PCM1: variants seen among roughly 807,000 people sequenced by gnomAD.
PCM1 encodes the protein pericentriolar material 1.
PCM1 carries 157 observed loss-of-function variants against 241.9 expected under a neutral mutation model. The ratio of observed to expected loss-of-function variants is 0.65; its 90% CI spans 0.57 to 0.74. The LOEUF is 0.74. Ranked by LOEUF, PCM1 falls within the 30% of genes least tolerant of loss-of-function variation. PCM1 has a pLI of 0.00. For missense variants in PCM1, 3,478 were observed against 2,360.1 expected (o/e 1.47, Z -9.81); for synonymous variants, 1,085 against 784.9 (o/e 1.38, Z -6.39).
intron 2 of PCM1, chr8:17,934,618 T>G (rs910284173): frequency 6.6e-6 from 1 of 151,788 alleles, no homozygotes; most frequent in Admixed American, 6.6e-5. Context: ...ACTGTCTCTT[T>G]TGAATGTCAG....
chr8:17,944,699 T>C (rs2063226073), intron 6 of PCM1, among the ~76,000 whole-genome samples: 1 of 152,162 alleles, frequency 6.6e-6, no homozygotes, highest in African/African-American at 2.4e-5. Context: ...CCTACCTAGA[T>C]ATTTTTATTT....
chr8:17,964,261 C>G (rs1206730165), intron 17 of PCM1, among the ~76,000 whole-genome samples: 1 of 152,132 alleles, frequency 6.6e-6, no homozygotes, highest in Non-Finnish European at 1.5e-5. Context: ...TTCTGCTGAA[C>G]TGCACTGATC....
Position 17,964,769 on chromosome 8 carries a change from G to A in PCM1, c.2855+1G>A. 6.2e-7 allele frequency: 1 copy of A among 1,600,168 alleles called. No homozygotes were observed. On this transcript the variant is annotated splice_donor_variant, in intron 18 of 38. Coordinates refer to ENST00000325083, the MANE Select transcript of PCM1 (RefSeq NM_006197.4). LOFTEE classifies it high-confidence loss of function. The stretch of plus-strand genomic sequence containing the variant: ...ACAATGGAAAGGAAACTAAAAATAG[G>A]TTAGTTTCAGTATTTTAATTTTGTG...
At chr8:17,992,408 C>G (rs1416332934) in intron 28 of PCM1, among the ~76,000 whole-genome samples, 2 of 152,146 alleles carry the variant, frequency 1.3e-5, no homozygotes, top group African/African-American at 2.4e-5. Context: ...ACACTAACAT[C>G]TATTATTTTT....
chr8:17,994,986 C>G (rs2086147044), intron 29 of PCM1, among the ~76,000 whole-genome samples: 1 of 151,476 alleles, frequency 6.6e-6, no homozygotes, highest in African/African-American at 2.5e-5. Flanking sequence ...TGTCTCTTCA[C>G]TTTGTTGTTT....
At chr8:17,969,159 A>G (rs894258143) in intron 21 of PCM1, among the ~76,000 whole-genome samples, 2 of 152,172 alleles carry the variant, frequency 1.3e-5, no homozygotes, top group Non-Finnish European at 2.9e-5. Flanking sequence ...TACAGACCTG[A>G]GATCTAATCA....
rs997173165 is a variant in PCM1, at chr8:17,997,797, G to T, written c.4827+4178G>T. ...TCCCAGCACTTTGGGAGGCTGGGGC[G>T]GGTGATCACTTGAGGTCAGGAGTTT... On this transcript the variant is annotated intron_variant, in intron 29 of 38. Coordinates refer to ENST00000325083, the MANE Select transcript of PCM1 (RefSeq NM_006197.4). Among the ~76,000 whole-genome samples, 5 of 151,568 alleles carry T rather than the reference G, an allele frequency of 3.3e-5. No individual in the cohort carries two copies. The East Asian group carries it at 7.8e-4, about 24-fold the overall frequency.
chr8:18,006,179 T>G, intron 29 of PCM1, 84 bp from the exon 30 acceptor site: 2 of 1,092,448 alleles, frequency 1.8e-6, no homozygotes, highest in Non-Finnish European at 1.3e-6. Context: ...AAATTAAAAA[T>G]TAACATTTTG....
intron 23 of PCM1, among the ~76,000 whole-genome samples, chr8:17,974,116 T>C (rs2077817697): frequency 6.6e-6 from 1 of 152,202 alleles, no homozygotes; most frequent in African/African-American, 2.4e-5. Flanking sequence ...ATACACATTA[T>C]CAGCCTTGAA....
rs573632640 is a variant in PCM1 at position 18,003,040 on chromosome 8, T to C, written c.4828-3223T>C. Among the ~76,000 whole-genome samples the C allele has an allele frequency of 6.4e-4, 98 of 152,350 alleles. 1 individual carries two copies. Among genetic ancestry groups the C allele is most frequent in the Admixed American group, 3.1e-3 (47 of 15,304 alleles). ...GCTTGTTTTCTTGAACTCAACTGTT[T>C]GGTCAAATGTTAACTTTTGCTGAGT... On this transcript the variant is annotated intron_variant, in intron 29 of 38. Transcript: ENST00000325083.
At chr8:17,976,930 C>G (rs1200983156) in intron 23 of PCM1, among the ~76,000 whole-genome samples, 1 of 150,964 alleles carries the variant, frequency 6.6e-6, no homozygotes, top group Non-Finnish European at 1.5e-5. Flanking sequence ...TTCACAGTTT[C>G]AGCTATTTTG....
Position 17,991,682 on chromosome 8 carries a change from A to T in PCM1, c.4672A>T (p.Thr1558Ser). The change falls in exon 28 of 39, where the codon ACA becomes TCA. Residue 1558 changes from threonine to serine, a missense_variant. Coordinates refer to ENST00000325083, the MANE Select transcript of PCM1 (RefSeq NM_006197.4). ...TGGAGATGGTGCTGGTGCAGGTACT[A>T]CAGTTAATAATTTAGAAGGTATATA... ...EDGDGAGAGT[T>S]VNNLEETPVI... 1.3e-6 allele frequency: 2 copies of T among 1,551,706 alleles called. No homozygotes were observed. Among genetic ancestry groups the T allele is most frequent in the Non-Finnish European group, 1.7e-6 (2 of 1,147,492 alleles).
At chr8:17,958,384 ATACATAT>A (rs1389095517) in intron 13 of PCM1, among the ~76,000 whole-genome samples, 2 of 152,186 alleles carry the variant, frequency 1.3e-5, no homozygotes, top group African/African-American at 4.8e-5. Context: ...AAAGCAGTTT[ATACATAT>A]TTTGTATTAT....
intron 6 of PCM1, among the ~76,000 whole-genome samples, chr8:17,943,558 C>G (rs112951048): frequency 6.6e-6 from 1 of 152,038 alleles, no homozygotes; most frequent in Non-Finnish European, 1.5e-5. Flanking sequence ...AATTTAAAAA[C>G]CACTTTGCTG....
chr8:17,989,891 C>G lies in PCM1; in HGVS notation c.4443C>G (p.Thr1481=), dbSNP rs1250677449. ...ETFEKNFERE[T]HKISEQNDAD... The stretch of plus-strand genomic sequence containing the variant: ...TTGAGAAGAACTTTGAAAGAGAAAC[C>G]CATAAAATAAGTGAGCAAAATGATG... The change falls in exon 27 of 39, where the codon ACC becomes ACG. Residue 1481 remains threonine, a synonymous_variant. Coordinates refer to ENST00000325083, the MANE Select transcript of PCM1 (RefSeq NM_006197.4). 6.5e-7 allele frequency: 1 copy of G among 1,544,442 alleles called. No homozygotes were observed. Among genetic ancestry groups the G allele is most frequent in the Admixed American group, 2.0e-5 (1 of 50,720 alleles).
chr8:17,923,614 G>A (rs1319321278), intron 1 of PCM1, among the ~76,000 whole-genome samples: 1 of 152,048 alleles, frequency 6.6e-6, no homozygotes, highest in African/African-American at 2.4e-5. Context: ...TCTTCCCCGC[G>A]TTCCCTCTGT....
rs1322917543 is a variant in PCM1, at chr8:18,002,063, TC to T, written c.4828-4199del. 5.3e-4 allele frequency among the ~76,000 whole-genome samples: 17 copies of T among 32,264 alleles called. 3 individuals are homozygous for T. Among genetic ancestry groups the T allele is most frequent in the African/African-American group, 2.5e-3 (9 of 3,644 alleles). The allele number at this position is 32,264 out of a possible 152,430, so 21.2% of individuals were successfully genotyped here. ...GGAGAGATCTGTTAAATTTTTTTTT[TC>T]TTTTTTTTTTTTTCTTTTTTTTATT... On this transcript the variant is annotated intron_variant, in intron 29 of 38. Transcript: ENST00000325083.
At chr8:18,015,628 C>T (rs866837167) in intron 36 of PCM1, 14 of 152,222 alleles carry the variant, frequency 9.2e-5, no homozygotes, top group South Asian at 4.2e-4. Flanking sequence ...CACTAAATCT[C>T]TTTTGGTCTG....
intron 36 of PCM1, among the ~76,000 whole-genome samples, chr8:18,020,159 G>T (rs1437623658): frequency 6.6e-6 from 1 of 151,938 alleles, no homozygotes; most frequent in Non-Finnish European, 1.5e-5. Context: ...TTTCACTTTG[G>T]GATTATCAAA....
Sources: gnomAD v4.1 joint callset for allele counts (sites outside exome capture counted in the v4.1 genomes callset) on GRCh38, gnomAD v4.1.1 for gene constraint, MANE v1.5 for transcripts, NCBI Gene and HGNC (gene_info 2026-07-23, HGNC 2026-07-21) for gene names.